TSHR: variants seen among roughly 807,000 people sequenced by gnomAD.
TSHR encodes the protein thyrotropin receptor.
In TSHR, 51 loss-of-function variants were observed where a neutral mutation model predicts 64.1. That is an observed-to-expected ratio of 0.80 (90% CI 0.64 to 1.01). TSHR has a LOEUF of 1.01. Among genes scored for constraint, TSHR ranks in the 50% least tolerant of loss-of-function variants. TSHR has a pLI of 0.00. For synonymous variants in TSHR, 361 were observed against 361.9 expected, an observed-to-expected ratio of 1.00 and a Z score of 0.03; for missense variants, 877 against 942.8, an observed-to-expected ratio of 0.93 and a Z score of 0.91.
intron 1 of TSHR, among the ~76,000 whole-genome samples, chr14:81,041,561 T>C (rs1242275456): frequency 2.0e-5 from 3 of 152,010 alleles, no homozygotes; most frequent in Non-Finnish European, 4.4e-5. Flanking sequence ...GAAAAACAAC[T>C]AATGGATATT....
At chr14:80,982,794 C>T (rs2139724592) in intron 1 of TSHR, 1 of 556,246 alleles carries the variant, frequency 1.8e-6, no homozygotes, top group Non-Finnish European at 3.2e-6. Context: ...CTTGTAGGAA[C>T]ACTAACTCAT....
At chr14:81,043,092 G>T (rs376711905) in intron 1 of TSHR, among the ~76,000 whole-genome samples, 3 of 152,018 alleles carry the variant, frequency 2.0e-5, no homozygotes, top group African/African-American at 7.2e-5. Flanking sequence ...TCTAGGGCAC[G>T]CAGGCAAGAG....
At chr14:81,109,944 A>G (rs996510831) in intron 8 of TSHR, among the ~76,000 whole-genome samples, 2 of 152,268 alleles carry the variant, frequency 1.3e-5, no homozygotes, top group Non-Finnish European at 2.9e-5. Flanking sequence ...ATATTTTTCA[A>G]TAACACTTTT....
chr14:81,077,526 G>T (rs187734872), intron 3 of TSHR, among the ~76,000 whole-genome samples: 11 of 152,140 alleles, frequency 7.2e-5, no homozygotes, highest in Non-Finnish European at 1.3e-4. Context: ...ATTCTCTAAA[G>T]TAGTTACTAT....
intron 1 of TSHR, chr14:80,983,491 C>T (rs1172798312): frequency 7.4e-6 from 10 of 1,354,600 alleles, no homozygotes; most frequent in Non-Finnish European, 1.0e-5. Flanking sequence ...CATAAAGAGG[C>T]AAAAGCCAGT....
In TSHR at chr14:81,144,611, A is replaced by T; in HGVS notation, c.*258A>T. 2 of 502,390 alleles carry T rather than the reference A, an allele frequency of 4.0e-6. No individual in the cohort carries two copies. The highest frequency in any genetic ancestry group is 7.1e-6 in the Non-Finnish European group (2 of 281,162). 31.1% of individuals were successfully genotyped at this position (502,390 alleles called of 1,614,324 possible). On this transcript the variant is annotated 3_prime_UTR_variant, in exon 10 of 10. Transcript: ENST00000298171. ...CAAAATAATCTACACTATCTAGAAG[A>T]CTTTCTTGATGCCAAGTCCAGAGAT...
In TSHR at chr14:81,017,245, C is replaced by G. The variant is rs955581228; in HGVS notation, c.171-44903C>G. 2.4e-4 allele frequency among the ~76,000 whole-genome samples: 36 copies of G among 152,248 alleles called. 1 individual carries two copies. Among genetic ancestry groups the G allele is most frequent in the Admixed American group, 2.0e-3 (30 of 15,286 alleles). ...AAGCTTAGAAGGGGATTAAATGTGG[C>G]CAATGCCTTGCTTTTGCCCATTTAA... On this transcript the variant is annotated intron_variant, in intron 1 of 9. Transcript: ENST00000298171.
Position 80,983,555 on chromosome 14 carries a change from C to T in TSHR, c.170+27705C>T, listed in dbSNP as rs1243067579. ...ACATAAAGGAGCATATCAGAAAGGGCTCAATTGTAGTTGTTGATCACTTGA... is the reference window on the plus strand; with the variant it reads ...ACATAAAGGAGCATATCAGAAAGGGTTCAATTGTAGTTGTTGATCACTTGA... On this transcript the variant is annotated intron_variant, in intron 1 of 9. Coordinates refer to ENST00000298171, the MANE Select transcript of TSHR (RefSeq NM_000369.5). 4.1e-6 allele frequency: 5 copies of T among 1,229,538 alleles called. No homozygotes were observed. The Admixed American group carries it at 9.2e-5, about 23-fold the overall frequency. 76.2% of individuals were successfully genotyped at this position (1,229,538 alleles called of 1,614,324 possible).
At chr14:81,064,725 A>C (rs1280269193) in intron 2 of TSHR, among the ~76,000 whole-genome samples, 1 of 152,162 alleles carries the variant, frequency 6.6e-6, no homozygotes, top group African/African-American at 2.4e-5. Context: ...AGTTCTGGGT[A>C]TATGGGGGCA....
At chr14:80,961,097 A>T (rs1886999589) in intron 1 of TSHR, among the ~76,000 whole-genome samples, 1 of 152,252 alleles carries the variant, frequency 6.6e-6, no homozygotes, top group African/African-American at 2.4e-5. Flanking sequence ...GGAGACGCAG[A>T]ACTGGGTCCT....
intron 1 of TSHR, chr14:81,001,279 T>C (rs1566756977): frequency 9.0e-6 from 2 of 223,208 alleles, no homozygotes; most frequent in Non-Finnish European, 1.8e-5. Context: ...ACTTACTGAA[T>C]CCTTACTGAA....
intron 1 of TSHR, chr14:80,956,057 A>G: frequency 1.6e-6 from 1 of 641,596 alleles, no homozygotes; most frequent in Admixed American, 2.3e-5. Context: ...TGACATCCTC[A>G]TTCCCAACAC....
chr14:81,071,173 CTCAG>C (rs146829313), intron 3 of TSHR, among the ~76,000 whole-genome samples: 2,049 of 152,168 alleles, frequency 0.013, 57 homozygotes, highest in African/African-American at 0.046. Flanking sequence ...ATTAAAATTT[CTCAG>C]TCAGTTATAA....
chr14:81,009,157 T>C (rs1171457639), intron 1 of TSHR, among the ~76,000 whole-genome samples: 2 of 152,242 alleles, frequency 1.3e-5, no homozygotes, highest in African/African-American at 4.8e-5. Flanking sequence ...TTTAAAATCA[T>C]GTCAATGTAA....
rs536212087 is a variant in TSHR at position 81,044,313 on chromosome 14, C to A, written c.171-17835C>A. On this transcript the variant is annotated intron_variant, in intron 1 of 9. Coordinates refer to ENST00000298171, the MANE Select transcript of TSHR (RefSeq NM_000369.5). ...TAAAAGAAGACATACATGGGACCAA[C>A]AATCATACGAAAAAAAGGTCAACAT... is the stretch of plus-strand genomic sequence containing the variant. Among the ~76,000 whole-genome samples, 6 of 152,188 alleles carry A rather than the reference C, an allele frequency of 3.9e-5. No homozygotes were observed. In the South Asian group the frequency reaches 1.2e-3, roughly 32 times the overall value.
intron 8 of TSHR, among the ~76,000 whole-genome samples, chr14:81,130,646 A>C (rs1174673733): frequency 6.6e-6 from 1 of 152,130 alleles, no homozygotes; most frequent in Non-Finnish European, 1.5e-5. Context: ...TGCCTATGAT[A>C]CCCAAATAGA....
intron 3 of TSHR, among the ~76,000 whole-genome samples, chr14:81,079,785 G>C (rs1276144193): frequency 5.9e-5 from 9 of 151,462 alleles, no homozygotes; most frequent in Non-Finnish European, 1.5e-5. Flanking sequence ...GAGCCTACAA[G>C]GTTGAGGCTG....
intron 1 of TSHR, chr14:80,995,581 A>G (rs377421076): frequency 8.5e-5 from 13 of 152,298 alleles, no homozygotes; most frequent in Admixed American, 2.6e-4. Flanking sequence ...ACAGGAACAG[A>G]AAATCAAATC....
At position 80,975,006 on chromosome 14, in the gene TSHR, G is replaced by T. The variant is rs139471891; in HGVS notation, c.170+19156G>T. The stretch of plus-strand genomic sequence containing the variant: ...CCTTCCATAAGTCCTAAGAATCTTA[G>T]CAAGGCACATAATCATTCTGTGTCT... On this transcript the variant is annotated intron_variant, in intron 1 of 9. Transcript: ENST00000298171. Among the ~76,000 whole-genome samples, 3 of 152,244 alleles carry T rather than the reference G, an allele frequency of 2.0e-5. No individual in the cohort carries two copies. The South Asian group carries it at 6.2e-4, about 32-fold the overall frequency.
Sources: gnomAD v4.1 joint callset for allele counts (sites outside exome capture counted in the v4.1 genomes callset) on GRCh38, gnomAD v4.1.1 for gene constraint, MANE v1.5 for transcripts, NCBI Gene and HGNC (gene_info 2026-07-23, HGNC 2026-07-21) for gene names.